PUS10: variants seen among roughly 807,000 people sequenced by gnomAD.
The protein encoded by PUS10 is tRNA pseudouridine synthase Pus10.
A neutral mutation model predicts 75.0 loss-of-function variants in PUS10; 59 were observed. That is an observed-to-expected ratio of 0.79 (90% confidence interval 0.64 to 0.98). The LOEUF is 0.98. Among genes scored for constraint, PUS10 ranks in the 50% least tolerant of loss-of-function variants. The pLI is 0.00. For missense variants in PUS10, 650 were observed against 614.4 expected (o/e 1.06, Z -0.61); for synonymous variants, 219 against 211.6 (o/e 1.03, Z -0.30).
chr2:60,956,974 C>CAAAAAAAAAAAAAAAAAAAAAAAA (rs56804354), intron 11 of PUS10, among the ~76,000 whole-genome samples: 13 of 19,250 alleles, frequency 6.8e-4, no homozygotes, highest in African/African-American at 2.1e-3. Context: ...GACTCCATCT[C>CAAAAAAAAAAAAAAAAAAAAAAAA]AAAAAAAAAA....
rs555560889 is a variant in PUS10 at position 60,967,599 on chromosome 2, G to A, written c.518C>T (p.Ser173Leu). The A allele has an allele frequency of 4.8e-5, 76 of 1,599,556 alleles. No homozygotes were observed. Among genetic ancestry groups the A allele is most frequent in the Admixed American group, 1.2e-4 (7 of 57,194 alleles). The change falls in exon 6 of 18, where the codon TCG becomes TTG. Residue 173 changes from serine (S) to leucine (L), a missense_variant. Coordinates refer to ENST00000316752, the MANE Select transcript of PUS10 (RefSeq NM_144709.4). ...CTGAACTATATCATCTCTTCCCAGC[G>A]ACAGACTCTGCTTTCTGAATAACAT... ...VKQEMGKQSLSLGRDDIVQLK... is the reference protein window; with the variant it reads ...VKQEMGKQSLLLGRDDIVQLK...
intron 4 of PUS10, among the ~76,000 whole-genome samples, chr2:60,986,355 T>C (rs1213855006): frequency 6.6e-6 from 1 of 152,228 alleles, no homozygotes; most frequent in African/African-American, 2.4e-5. Flanking sequence ...TTCTATATTT[T>C]ATTTTCATTT....
chr2:61,017,533 G>C, intron 1 of PUS10: 1 of 520,744 alleles, frequency 1.9e-6, no homozygotes, highest in Non-Finnish European at 3.4e-6. Flanking sequence ...TAGAAAGGCA[G>C]CTCTTTCTGG....
chr2:61,010,806 C>T (rs1029381581), intron 2 of PUS10: 2 of 1,550,426 alleles, frequency 1.3e-6, no homozygotes, highest in Non-Finnish European at 1.7e-6. Flanking sequence ...TTCAGTCAGA[C>T]TGTTCAAATC....
At chr2:61,008,287 G>A (rs1179445638) in intron 3 of PUS10, among the ~76,000 whole-genome samples, 9 of 152,070 alleles carry the variant, frequency 5.9e-5, no homozygotes, top group Non-Finnish European at 1.0e-4. Flanking sequence ...ACTTTGGGAG[G>A]CCAAGGCAGG....
chr2:60,993,163 T>C (rs1278199058), intron 4 of PUS10, among the ~76,000 whole-genome samples: 1 of 152,086 alleles, frequency 6.6e-6, no homozygotes, highest in Admixed American at 6.6e-5. Flanking sequence ...TTATAAATTA[T>C]GAAAGTGTCC....
At position 60,961,501 on chromosome 2, in the gene PUS10, AG is replaced by A. The variant is rs750414531; in HGVS notation, c.835del (p.Glu280LysfsTer28). 2.1e-5 allele frequency: 34 copies of A among 1,614,092 alleles called. No individual in the cohort carries two copies. Among genetic ancestry groups the A allele is most frequent in the Non-Finnish European group, 2.8e-5 (33 of 1,180,026 alleles). ...AGCACCATGAGCACATTCAATTTCA[AG>A]AACAGCGCATACAGCCTTTGGTGAG... ...PNSPKAVCAV[L>X]EIECAHGAVF... On this transcript the variant is annotated frameshift_variant, in exon 10 of 18. Transcript: ENST00000316752. LOFTEE classifies it high-confidence loss of function.
At chr2:61,000,122 GA>G (rs1678759374) in intron 4 of PUS10, among the ~76,000 whole-genome samples, 1 of 152,088 alleles carries the variant, frequency 6.6e-6, no homozygotes. Context: ...CTAATGACGT[GA>G]AATCTCTGGA....
At chr2:60,969,961 C>T (rs1676560502) in intron 5 of PUS10, among the ~76,000 whole-genome samples, 1 of 151,970 alleles carries the variant, frequency 6.6e-6, no homozygotes, top group Admixed American at 6.6e-5. Flanking sequence ...CATGGTGGTG[C>T]ATGCCTGTAA....
At chr2:60,990,367 G>C (rs983617475) in intron 4 of PUS10, among the ~76,000 whole-genome samples, 1 of 152,302 alleles carries the variant, frequency 6.6e-6, no homozygotes, top group East Asian at 1.9e-4. Context: ...AAGAGTTACA[G>C]GGCCAAAATT....
intron 17 of PUS10, 32 bp from the exon 18 acceptor site, chr2:60,942,465 A>G (rs981590534): frequency 6.4e-7 from 1 of 1,556,786 alleles, no homozygotes; most frequent in Non-Finnish European, 8.9e-7. Context: ...ATTAAAACAG[A>G]TATTACTGTT....
intron 1 of PUS10, among the ~76,000 whole-genome samples, chr2:61,013,209 T>C (rs1018910341): frequency 1.3e-5 from 2 of 150,232 alleles, no homozygotes; most frequent in African/African-American, 4.9e-5. Flanking sequence ...ATCAAGATCA[T>C]GCCACTGTAC....
chr2:60,981,292 A>AT (rs1201176925), intron 4 of PUS10, among the ~76,000 whole-genome samples: 1 of 150,348 alleles, frequency 6.7e-6, no homozygotes. Flanking sequence ...AAATTAAATT[A>AT]TTTTTTTTGA....
chr2:60,945,814 G>C (rs183042166), intron 16 of PUS10, among the ~76,000 whole-genome samples: 66 of 152,280 alleles, frequency 4.3e-4, no homozygotes, highest in Non-Finnish European at 5.4e-4. Flanking sequence ...ACATAGGACT[G>C]TACTGCAGCT....
At chr2:61,010,618 C>G (rs1408552393) in intron 2 of PUS10, 1 of 713,898 alleles carries the variant, frequency 1.4e-6, no homozygotes, top group Non-Finnish European at 2.2e-6. Context: ...AGCCACCGCA[C>G]CCAGCCAATT....
At chr2:60,964,896 G>A (rs916225956) in intron 8 of PUS10, among the ~76,000 whole-genome samples, 162 bp downstream of exon 8, 2 of 152,130 alleles carry the variant, frequency 1.3e-5, no homozygotes, top group Non-Finnish European at 2.9e-5. Context: ...GGTTGAAAAA[G>A]TTGAAAAACA....
At chr2:60,957,946 C>T (rs1675784508) in intron 11 of PUS10, among the ~76,000 whole-genome samples, 1 of 152,272 alleles carries the variant, frequency 6.6e-6, no homozygotes, top group Admixed American at 6.5e-5. Context: ...TGATCACTCA[C>T]ATGAACTTTT....
Position 60,948,027 on chromosome 2 carries a change from G to T in PUS10, c.1451+16C>A. 3.7e-6 allele frequency: 6 copies of T among 1,613,968 alleles called. No homozygotes were observed. The highest frequency in any genetic ancestry group is 5.1e-6 in the Non-Finnish European group (6 of 1,179,914). Reference sequence around the variant, plus strand: ...GTTCTGGTTCGATGGCGGCAGTGCAGCAGGTGGAAGGATACGTGCCAGCCT... The same window carrying T: ...GTTCTGGTTCGATGGCGGCAGTGCATCAGGTGGAAGGATACGTGCCAGCCT... On this transcript the variant is annotated intron_variant, in intron 16 of 17. Transcript: ENST00000316752.
Position 60,955,026 on chromosome 2 carries a change from A to C in PUS10, c.1049T>G (p.Leu350Ter). ...SGREDVDVRTLGNGRPFAIEL... is the reference protein window; with the variant it reads ...SGREDVDVRT ...TGCTGTTGCAGTCTTACCATTTCCT[A>C]ATGTTCTCACATCTACATCTTCTCT... Residue 350 changes from leucine to a stop codon, truncating the protein, a stop_gained, in exon 12 of 18, where the codon TTA (leucine) becomes TGA (stop). Transcript: ENST00000316752. LOFTEE classifies it high-confidence loss of function. 1 of 1,584,604 alleles carries C rather than the reference A, an allele frequency of 6.3e-7. No individual in the cohort carries two copies. Among genetic ancestry groups the C allele is most frequent in the Non-Finnish European group, 8.6e-7 (1 of 1,163,520 alleles).
Sources: gnomAD v4.1 joint callset for allele counts (sites outside exome capture counted in the v4.1 genomes callset) on GRCh38, gnomAD v4.1.1 for gene constraint, MANE v1.5 for transcripts, NCBI Gene and HGNC (gene_info 2026-07-23, HGNC 2026-07-21) for gene names.